The following ALK variants were observed in gnomAD, a reference collection of about 807,000 sequenced individuals.
The protein encoded by ALK is ALK receptor tyrosine kinase.
ALK carries 74 observed loss-of-function variants against 163.1 expected under a neutral mutation model. The ratio of observed to expected loss-of-function variants is 0.45; its 90% confidence interval spans 0.38 to 0.55. The LOEUF (loss-of-function observed/expected upper bound fraction) is 0.55. ALK is among the 20% of genes least tolerant of loss of function. The pLI is 0.00. For synonymous variants in ALK, 960 were observed against 843.2 expected (o/e 1.14, Z -2.40); for missense variants, 2,063 against 2,105.3 (o/e 0.98, Z 0.39).
At chr2:29,590,468 G>T (rs1406323755) in intron 3 of ALK, among the ~76,000 whole-genome samples, 1 of 152,010 alleles carries the variant, frequency 6.6e-6, no homozygotes, top group East Asian at 1.9e-4. Context: ...TCCTAGGCAC[G>T]TCTGTGTCCT....
At chr2:29,426,064 TG>T (rs936756071) in intron 4 of ALK, among the ~76,000 whole-genome samples, 6 of 152,092 alleles carry the variant, frequency 3.9e-5, no homozygotes, top group African/African-American at 1.4e-4. Context: ...CCAAAAACAA[TG>T]GAATAATCAG....
intron 4 of ALK, among the ~76,000 whole-genome samples, chr2:29,528,013 C>T (rs1390545347): frequency 6.6e-6 from 1 of 152,172 alleles, no homozygotes; most frequent in Non-Finnish European, 1.5e-5. Context: ...TGGACTGAGG[C>T]TTATTTGTGC....
chr2:29,223,582 C>G (rs1278573079), intron 19 of ALK, 54 bp from the exon 20 acceptor site: 13 of 1,580,442 alleles, frequency 8.2e-6, no homozygotes, highest in South Asian at 6.7e-5. Context: ...CCTTGAAGCA[C>G]TACACAGGCC....
chr2:29,919,900 G>C, intron 1 of ALK, 93 bp downstream of exon 1: 2 of 1,475,676 alleles, frequency 1.4e-6, no homozygotes, highest in South Asian at 2.6e-5. Context: ...TGAGGTTTTA[G>C]AAAGTGGGGT....
At chr2:29,343,415 A>G (rs1667859304) in intron 5 of ALK, among the ~76,000 whole-genome samples, 2 of 150,302 alleles carry the variant, frequency 1.3e-5, no homozygotes, top group South Asian at 2.1e-4. Context: ...GGGTCTCCCT[A>G]TTTTGCCCAG....
intron 5 of ALK, among the ~76,000 whole-genome samples, chr2:29,368,633 C>T (rs1370786506): frequency 6.6e-6 from 1 of 152,150 alleles, no homozygotes; most frequent in Non-Finnish European, 1.5e-5. Flanking sequence ...TTTCACTTTC[C>T]TTAATACAAG....
At chr2:29,884,508 A>T (rs1666942066) in intron 1 of ALK, among the ~76,000 whole-genome samples, 1 of 152,246 alleles carries the variant, frequency 6.6e-6, no homozygotes, top group South Asian at 2.1e-4. Context: ...ACCTGCAGGC[A>T]TAAAAACCTT....
At chr2:29,468,853 CAAAAAAAAA>C (rs70958265) in intron 4 of ALK, among the ~76,000 whole-genome samples, 6 of 30,920 alleles carry the variant, frequency 1.9e-4, no homozygotes, top group Non-Finnish European at 2.8e-4. Flanking sequence ...GACCCTGCCT[CAAAAAAAAA>C]AAAAAAAAAA....
At chr2:29,509,826 G>C (rs1218552615) in intron 4 of ALK, among the ~76,000 whole-genome samples, 1 of 152,180 alleles carries the variant, frequency 6.6e-6, no homozygotes, top group Non-Finnish European at 1.5e-5. Context: ...TTGGGGAGAA[G>C]CATTTAAAAA....
At chr2:29,216,856 TTGTA>T (rs796683240) in intron 23 of ALK, among the ~76,000 whole-genome samples, 7 of 150,112 alleles carry the variant, frequency 4.7e-5, no homozygotes, top group African/African-American at 1.2e-4. Context: ...ATGGTGTGTG[TTGTA>T]TGTGTGTGGT....
At chr2:29,265,968 A>G (rs1022675441) in intron 11 of ALK, among the ~76,000 whole-genome samples, 3 of 152,150 alleles carry the variant, frequency 2.0e-5, no homozygotes, top group African/African-American at 7.2e-5. Context: ...CTGGGTGACA[A>G]GAGCGAAACT....
intron 5 of ALK, among the ~76,000 whole-genome samples, chr2:29,382,857 C>G (rs1233852962): frequency 6.6e-6 from 1 of 152,080 alleles, no homozygotes; most frequent in African/African-American, 2.4e-5. Flanking sequence ...ACAACGAAAA[C>G]AAAATACACT....
chr2:29,801,079 G>T (rs559021206), intron 1 of ALK, among the ~76,000 whole-genome samples: 1 of 152,202 alleles, frequency 6.6e-6, no homozygotes, highest in East Asian at 1.9e-4. Flanking sequence ...CCTACAGATG[G>T]CAAGAGAGAC....
intron 4 of ALK, among the ~76,000 whole-genome samples, chr2:29,396,836 G>GTTTTTGTTTTTTT (rs1669318936): frequency 2.1e-5 from 1 of 46,604 alleles, no homozygotes; most frequent in Non-Finnish European, 3.5e-5. Flanking sequence ...TGTTACTATG[G>GTTTTTGTTTTTTT]TTTTTTTTTT....
rs530237988 is a variant in ALK, at chr2:29,372,013, T to C, written c.1282+11719A>G. On this transcript the variant is annotated intron_variant, in intron 5 of 28. Coordinates refer to ENST00000389048, the MANE Select transcript of ALK (RefSeq NM_004304.5). The stretch of plus-strand genomic sequence containing the variant: ...TCTTAACATTTGCGTGCAGTTTGCA[T>C]TGGAACTCAATACATAGCCATGCTA... Among the ~76,000 whole-genome samples, 4 of 152,330 alleles carry C rather than the reference T, an allele frequency of 2.6e-5. No homozygotes were observed. The East Asian group carries it at 5.8e-4, about 22-fold the overall frequency.
At chr2:29,867,761 T>C (rs1407196847) in intron 1 of ALK, among the ~76,000 whole-genome samples, 1 of 152,166 alleles carries the variant, frequency 6.6e-6, no homozygotes, top group Non-Finnish European at 1.5e-5. Context: ...AAGCTGACTA[T>C]GTGGTTCTTC....
intron 3 of ALK, among the ~76,000 whole-genome samples, chr2:29,629,304 T>TA (rs1213425627): frequency 6.6e-6 from 1 of 152,196 alleles, no homozygotes; most frequent in Non-Finnish European, 1.5e-5. Context: ...ACTCTGTATA[T>TA]AAATGCTAGA....
At chr2:29,374,090 T>G (rs1668696911) in intron 5 of ALK, among the ~76,000 whole-genome samples, 1 of 152,168 alleles carries the variant, frequency 6.6e-6, no homozygotes. Context: ...GATGTGAACC[T>G]GTAAACATAC....
rs111233129 is a variant in ALK, at chr2:29,831,102, G to A, written c.667+88891C>T. Among the ~76,000 whole-genome samples the A allele has an allele frequency of 1.3e-3, 37 of 29,278 alleles. 5 individuals are homozygous for A. Among genetic ancestry groups the A allele is most frequent in the African/African-American group, 4.2e-3 (30 of 7,168 alleles). 19.2% of individuals were successfully genotyped at this position (29,278 alleles called of 152,430 possible). A position where few individuals can be genotyped will look rare whatever the true frequency, so the allele number is the denominator to read the frequency against. On this transcript the variant is annotated intron_variant, in intron 1 of 28. Transcript: ENST00000389048. ...GGAGGAGGAGGAGGAGGAGGAGGAGGAGGAGGAGAAGAAGAAGAAGAAGGG... is the reference window on the plus strand; with the variant it reads ...GGAGGAGGAGGAGGAGGAGGAGGAGAAGGAGGAGAAGAAGAAGAAGAAGGG...
Sources: gnomAD v4.1 joint callset for allele counts (sites outside exome capture counted in the v4.1 genomes callset) on GRCh38, gnomAD v4.1.1 for gene constraint, MANE v1.5 for transcripts, NCBI Gene and HGNC (gene_info 2026-07-23, HGNC 2026-07-21) for gene names.